The following HMGN3 variants were observed in gnomAD, a reference collection of about 807,000 sequenced individuals.
The protein encoded by HMGN3 is high mobility group nucleosomal binding domain 3.
HMGN3 carries 6 observed loss-of-function variants against 18.8 expected under a neutral mutation model. The ratio of observed to expected loss-of-function variants is 0.32; its 90% confidence interval spans 0.18 to 0.63. The LOEUF (loss-of-function observed/expected upper bound fraction) is 0.63, where lower values mean the gene tolerates loss of function less well. Ranked by LOEUF, HMGN3 falls within the 30% of genes least tolerant of loss-of-function variation. The pLI, the probability that HMGN3 is intolerant of heterozygous loss-of-function variation, is 0.79. For synonymous variants in HMGN3, 40 were observed against 36.5 expected (o/e 1.10, Z -0.35); for missense variants, 107 against 114.2 (o/e 0.94, Z 0.29).
chr6:79,224,682 C>T (rs762016053), intron 1 of HMGN3, among the ~76,000 whole-genome samples: 1 of 152,122 alleles, frequency 6.6e-6, no homozygotes, highest in Non-Finnish European at 1.5e-5. Context: ...GGGGCACAGT[C>T]TTAATATTTC....
exon 6 of HMGN3, chr6:79,201,531 CATGACT>C: frequency 5.3e-6 from 3 of 567,092 alleles, no homozygotes; most frequent in Non-Finnish European, 9.4e-6. Flanking sequence ...TTCCAAAAAG[CATGACT>C]ATGAGACGAT....
At chr6:79,210,559 A>G (rs1232454072) in intron 2 of HMGN3, among the ~76,000 whole-genome samples, 1 of 152,110 alleles carries the variant, frequency 6.6e-6, no homozygotes, top group African/African-American at 2.4e-5. Context: ...AATATGTAGC[A>G]GGGGCCCTCA....
Position 79,208,665 on chromosome 6 carries a change from C to T in HMGN3, c.67-89G>A, listed in dbSNP as rs550517525. Reference sequence around the variant, plus strand: ...AAAAATCTATTCTTAATATACCTTACTTTGTTGAATGACTATAATGTATGA... The same window carrying T: ...AAAAATCTATTCTTAATATACCTTATTTTGTTGAATGACTATAATGTATGA... On this transcript the variant is annotated intron_variant, in intron 2 of 5. Transcript: ENST00000344726. The T allele has an allele frequency of 1.4e-4, 142 of 1,003,576 alleles. No homozygotes were observed. In the African/African-American group the frequency reaches 2.1e-3, roughly 15 times the overall value. The allele number at this position is 1,003,576 out of a possible 1,614,324, so 62.2% of individuals were successfully genotyped here.
intron 1 of HMGN3, among the ~76,000 whole-genome samples, chr6:79,228,451 T>C (rs1041599992): frequency 2.0e-5 from 3 of 152,208 alleles, no homozygotes; most frequent in Non-Finnish European, 4.4e-5. Flanking sequence ...CAAGCATTTA[T>C]GGATGTCAGG....
At chr6:79,232,125 C>G (rs909480461) in intron 1 of HMGN3, among the ~76,000 whole-genome samples, 3 of 152,176 alleles carry the variant, frequency 2.0e-5, no homozygotes, top group Non-Finnish European at 4.4e-5. Context: ...GTAGAGCAGA[C>G]AATTCTTTAG....
chr6:79,232,722 T>C (rs1250521015), intron 1 of HMGN3, among the ~76,000 whole-genome samples: 1 of 152,082 alleles, frequency 6.6e-6, no homozygotes, highest in African/African-American at 2.4e-5. Flanking sequence ...CAGGGTCCAT[T>C]ATACATAAAG....
chr6:79,209,788 T>G (rs552768378), intron 2 of HMGN3, among the ~76,000 whole-genome samples: 1 of 152,352 alleles, frequency 6.6e-6, no homozygotes, highest in East Asian at 1.9e-4. Context: ...CTAAGAACTT[T>G]CTTGCTGAAA....
chr6:79,233,372 G>A (rs1252951543), intron 1 of HMGN3, among the ~76,000 whole-genome samples: 3 of 152,154 alleles, frequency 2.0e-5, no homozygotes, highest in Non-Finnish European at 2.9e-5. Context: ...CATATAAGAA[G>A]GGGAAAGCTT....
intron 1 of HMGN3, among the ~76,000 whole-genome samples, chr6:79,220,752 T>C (rs1159414420): frequency 2.0e-5 from 3 of 152,148 alleles, no homozygotes; most frequent in Non-Finnish European, 4.4e-5. Context: ...CCACCACTTA[T>C]ACAAATTTTA....
intron 4 of HMGN3, among the ~76,000 whole-genome samples, chr6:79,202,909 TTC>T (rs757298803): frequency 6.6e-5 from 10 of 152,052 alleles, no homozygotes; most frequent in Non-Finnish European, 1.3e-4. Flanking sequence ...CAAAAGTGAG[TTC>T]TGTTTCTGAA....
intron 3 of HMGN3, among the ~76,000 whole-genome samples, chr6:79,205,557 T>C (rs990946866): frequency 8.5e-5 from 13 of 152,258 alleles, no homozygotes; most frequent in South Asian, 4.1e-4. Context: ...CACATGGAAC[T>C]GTAAGTCCAA....
chr6:79,233,541 G>A (rs1161818534), intron 1 of HMGN3, among the ~76,000 whole-genome samples: 1 of 152,136 alleles, frequency 6.6e-6, no homozygotes, highest in Non-Finnish European at 1.5e-5. Flanking sequence ...CTGGCGGTGG[G>A]AGGGTGCAAA....
intron 2 of HMGN3, among the ~76,000 whole-genome samples, chr6:79,210,593 G>A (rs1000397302): frequency 5.3e-5 from 8 of 152,066 alleles, no homozygotes; most frequent in African/African-American, 1.9e-4. Context: ...TGAACAGAAG[G>A]GGTAAGCACC....
intron 5 of HMGN3, 62 bp downstream of exon 6, chr6:79,202,001 A>C: frequency 1.3e-6 from 2 of 1,481,692 alleles, no homozygotes; most frequent in Non-Finnish European, 1.8e-6. Context: ...AAAAAAAACC[A>C]CCACACTACT....
chr6:79,212,878 A>AGG, intron 2 of HMGN3, among the ~76,000 whole-genome samples: 2 of 152,226 alleles, frequency 1.3e-5, no homozygotes, highest in African/African-American at 4.8e-5. Flanking sequence ...ACCCGAAACC[A>AGG]TCAGCAAACT....
In HMGN3 at chr6:79,202,259, G is replaced by A. The variant is rs756984316; in HGVS notation, c.261+17C>T. 1.2e-6 allele frequency: 2 copies of A among 1,613,692 alleles called. No individual in the cohort carries two copies. The highest frequency in any genetic ancestry group is 1.7e-6 in the Non-Finnish European group (2 of 1,179,818). On this transcript the variant is annotated intron_variant, in intron 5 of 5. Transcript: ENST00000344726. ...AAGACACTGATTCAATCAGTGGGAG[G>A]TATTTATGGAAAGTACCTCTTCAGC... is the stretch of plus-strand genomic sequence containing the variant.
At chr6:79,232,460 ACT>A (rs955077062) in intron 1 of HMGN3, among the ~76,000 whole-genome samples, 2 of 152,046 alleles carry the variant, frequency 1.3e-5, no homozygotes, top group African/African-American at 4.8e-5. Flanking sequence ...ACCGGAGAAC[ACT>A]CTGATGTCCT....
At chr6:79,225,815 T>C (rs1301968049) in intron 1 of HMGN3, among the ~76,000 whole-genome samples, 1 of 152,224 alleles carries the variant, frequency 6.6e-6, no homozygotes. Flanking sequence ...GATTTCATGG[T>C]AATGCTCCTC....
intron 1 of HMGN3, among the ~76,000 whole-genome samples, chr6:79,226,296 C>T (rs1777564985): frequency 6.6e-6 from 1 of 152,214 alleles, no homozygotes; most frequent in South Asian, 2.1e-4. Context: ...TCAGCCATTC[C>T]TTATCACAGG....
Sources: allele counts gnomAD v4.1 joint callset (sites outside exome capture counted in the v4.1 genomes callset), GRCh38; gene constraint gnomAD v4.1.1; transcripts MANE v1.5; gene names NCBI Gene and HGNC (gene_info 2026-07-23, HGNC 2026-07-21).